Variants in PARD3 observed in about 807,000 individuals in gnomAD.
PARD3 encodes the protein partitioning defective 3 homolog.
In PARD3, 75 loss-of-function variants were observed where a neutral mutation model predicts 155.4. The ratio of observed to expected loss-of-function variants is 0.48; its 90% CI spans 0.40 to 0.58. The LOEUF is 0.58. Ranked by LOEUF, PARD3 falls within the 20% of genes least tolerant of loss-of-function variation. The pLI, the probability that PARD3 is intolerant of heterozygous loss-of-function variation, is 0.00. For missense variants in PARD3, 1,642 were observed against 1,721.7 expected (o/e 0.95, Z 0.82); for synonymous variants, 576 against 610.5 (o/e 0.94, Z 0.83).
At position 34,669,230 on chromosome 10, in the gene PARD3, C is replaced by G. The variant is rs531429217; in HGVS notation, c.222+27088G>C. ...AACCTAAGTGTCCAACAACAGATGA[C>G]TAGATAAAAGAAAATGTGGTATACA... On this transcript the variant is annotated intron_variant, in intron 2 of 24. Transcript: ENST00000374788. Among the ~76,000 whole-genome samples the G allele has an allele frequency of 1.2e-3, 179 of 152,110 alleles. 1 individual carries two copies. The highest frequency in any genetic ancestry group is 4.2e-3 in the African/African-American group (175 of 41,486).
chr10:34,783,797 A>C (rs2134189279), intron 1 of PARD3, among the ~76,000 whole-genome samples: 1 of 152,266 alleles, frequency 6.6e-6, no homozygotes, highest in South Asian at 2.1e-4. Flanking sequence ...TACGTTGCCA[A>C]ATCACTTAGT....
chr10:34,115,529 T>C (rs947409218), intron 24 of PARD3, among the ~76,000 whole-genome samples: 1 of 152,236 alleles, frequency 6.6e-6, no homozygotes, highest in Admixed American at 6.5e-5. Flanking sequence ...GCATGGTAGG[T>C]ATAGTTAATA....
At chr10:34,369,247 G>T (rs1840320531) in intron 12 of PARD3, among the ~76,000 whole-genome samples, 2 of 152,008 alleles carry the variant, frequency 1.3e-5, no homozygotes, top group Admixed American at 1.3e-4. Context: ...TTTGAATGTG[G>T]CCCAACACAA....
At chr10:34,665,945 C>T (rs756070782) in intron 2 of PARD3, among the ~76,000 whole-genome samples, 2 of 148,204 alleles carry the variant, frequency 1.3e-5, no homozygotes, top group African/African-American at 2.6e-5. Flanking sequence ...CTAGGCCAGG[C>T]GTTCACACCT....
chr10:34,349,635 A>G (rs1837824745), intron 14 of PARD3, among the ~76,000 whole-genome samples: 1 of 149,314 alleles, frequency 6.7e-6, no homozygotes, highest in African/African-American at 2.5e-5. Context: ...ACTCTATACC[A>G]TTAAGAACAA....
At position 34,609,601 on chromosome 10, in the gene PARD3, G is replaced by A. The variant is rs192638529; in HGVS notation, c.222+86717C>T. Reference sequence around the variant, plus strand: ...TTTGTCACCCAGACTGGAGTGCAGGGGCACAATCATAGCTCGCTGTATTCC... The same window carrying A: ...TTTGTCACCCAGACTGGAGTGCAGGAGCACAATCATAGCTCGCTGTATTCC... On this transcript the variant is annotated intron_variant, in intron 2 of 24. Coordinates refer to ENST00000374788, the MANE Select transcript of PARD3 (RefSeq NM_001184785.2). 1.1e-4 allele frequency among the ~76,000 whole-genome samples: 16 copies of A among 152,258 alleles called. No individual in the cohort carries two copies. In the East Asian group the frequency reaches 3.1e-3, roughly 29 times the overall value.
chr10:34,605,519 A>C lies in PARD3; in HGVS notation c.223-88360T>G, dbSNP rs563392092. ...AAAATACTCTTAAATATATATATAT[A>C]TCTCCTATATATATCTCCTATATAT... On this transcript the variant is annotated intron_variant, in intron 2 of 24. Coordinates refer to ENST00000374788, the MANE Select transcript of PARD3 (RefSeq NM_001184785.2). 1.5e-3 allele frequency among the ~76,000 whole-genome samples: 83 copies of C among 56,954 alleles called. 1 individual carries two copies. The highest frequency in any genetic ancestry group is 2.0e-3 in the Non-Finnish European group (59 of 29,454). The allele number at this position is 56,954 out of a possible 152,430, so 37.4% of individuals were successfully genotyped here.
intron 20 of PARD3, among the ~76,000 whole-genome samples, chr10:34,315,111 A>T (rs1957930337): frequency 6.6e-6 from 1 of 152,212 alleles, no homozygotes; most frequent in South Asian, 2.1e-4. Flanking sequence ...TGCAGGGTCA[A>T]CTTCTTTATC....
intron 1 of PARD3, among the ~76,000 whole-genome samples, chr10:34,765,643 A>G (rs1260042498): frequency 6.6e-6 from 1 of 150,722 alleles, no homozygotes; most frequent in Non-Finnish European, 1.5e-5. Flanking sequence ...ACACCACTGC[A>G]CTCCAGCCTG....
intron 12 of PARD3, among the ~76,000 whole-genome samples, chr10:34,363,731 T>C (rs1156247319): frequency 1.3e-5 from 2 of 152,208 alleles, no homozygotes; most frequent in Admixed American, 6.5e-5. Context: ...ATGTCTTTTC[T>C]TTAACTCACT....
At chr10:34,647,006 G>C (rs1049021657) in intron 2 of PARD3, among the ~76,000 whole-genome samples, 6 of 151,986 alleles carry the variant, frequency 3.9e-5, no homozygotes, top group Non-Finnish European at 7.4e-5. Flanking sequence ...CTCCCACTTG[G>C]GTATTTATTT....
At chr10:34,622,894 G>A (rs1228080798) in intron 2 of PARD3, among the ~76,000 whole-genome samples, 1 of 144,286 alleles carries the variant, frequency 6.9e-6, no homozygotes, top group Non-Finnish European at 1.5e-5. Context: ...TAATCCTCCT[G>A]AAGTAATCAC....
chr10:34,535,084 G>T (rs2083129366), intron 2 of PARD3, among the ~76,000 whole-genome samples: 1 of 152,106 alleles, frequency 6.6e-6, no homozygotes, highest in Non-Finnish European at 1.5e-5. Flanking sequence ...CAGGGTTTAA[G>T]AATAATATTA....
chr10:34,171,879 G>T (rs1481610973), intron 22 of PARD3, among the ~76,000 whole-genome samples: 1 of 145,230 alleles, frequency 6.9e-6, no homozygotes, highest in Non-Finnish European at 1.5e-5. Flanking sequence ...GAACCCAGGA[G>T]GTGGAGGTTT....
chr10:34,740,616 C>A (rs960146223), intron 1 of PARD3, among the ~76,000 whole-genome samples: 2 of 152,018 alleles, frequency 1.3e-5, no homozygotes, highest in Non-Finnish European at 2.9e-5. Flanking sequence ...GCTCCCAGGG[C>A]ACCCTAACTT....
chr10:34,205,734 T>C (rs1951442875), intron 22 of PARD3, among the ~76,000 whole-genome samples: 1 of 152,182 alleles, frequency 6.6e-6, no homozygotes, highest in Admixed American at 6.5e-5. Context: ...CCTCCTGCAC[T>C]TCCTCCTGCC....
intron 22 of PARD3, among the ~76,000 whole-genome samples, chr10:34,217,486 G>A (rs775449944): frequency 1.3e-5 from 2 of 152,048 alleles, no homozygotes; most frequent in Non-Finnish European, 2.9e-5. Context: ...TAAAATGCCC[G>A]TTACAGAGGT....
chr10:34,337,624 A>T (rs1334055917), intron 16 of PARD3, among the ~76,000 whole-genome samples, 198 bp from the exon 17 acceptor site: 1 of 152,048 alleles, frequency 6.6e-6, no homozygotes, highest in African/African-American at 2.4e-5. Context: ...TACAAAATTA[A>T]TTTAACTTTT....
At chr10:34,542,576 G>A (rs2083720742) in intron 2 of PARD3, among the ~76,000 whole-genome samples, 1 of 152,116 alleles carries the variant, frequency 6.6e-6, no homozygotes, top group Non-Finnish European at 1.5e-5. Context: ...ATCCCATCTG[G>A]TGATCACTCC....
Sources: allele counts gnomAD v4.1 joint callset (sites outside exome capture counted in the v4.1 genomes callset), GRCh38; gene constraint gnomAD v4.1.1; transcripts MANE v1.5; gene names NCBI Gene and HGNC (gene_info 2026-07-23, HGNC 2026-07-21).